The following MTNR1B variants were observed in gnomAD, a reference collection of about 807,000 sequenced individuals.
The protein encoded by MTNR1B is melatonin receptor type 1B.
MTNR1B carries 7 observed loss-of-function variants against 7.0 expected under a neutral mutation model. That is an observed-to-expected ratio of 1.00 (90% CI 0.57 to 1.88). MTNR1B has a LOEUF of 1.88. MTNR1B is among the 40% of genes most tolerant of loss of function. The pLI is 0.00. For missense variants in MTNR1B, 478 were observed against 486.5 expected, an observed-to-expected ratio of 0.98 and a Z score of 0.16; for synonymous variants, 226 against 208.2, an observed-to-expected ratio of 1.09 and a Z score of -0.74.
intron 1 of MTNR1B, among the ~76,000 whole-genome samples, chr11:92,977,918 C>T (rs1326664090): frequency 6.6e-6 from 1 of 152,194 alleles, no homozygotes; most frequent in Non-Finnish European, 1.5e-5. Context: ...TCCCTCTTGG[C>T]ACCTTGTTTT....
chr11:92,969,658 G>T lies in MTNR1B; in HGVS notation c.-68G>T. ...GGCAGGGAAGAGAGCGCCCGGCTCAGTACTGCGCGCGCCCTGCGGCTGTCC... is the reference window on the plus strand; with the variant it reads ...GGCAGGGAAGAGAGCGCCCGGCTCATTACTGCGCGCGCCCTGCGGCTGTCC... On this transcript the variant is annotated 5_prime_UTR_variant, in exon 1 of 2. Coordinates refer to ENST00000257068, the MANE Select transcript of MTNR1B (RefSeq NM_005959.5). 7.3e-7 allele frequency: 1 copy of T among 1,363,906 alleles called. No homozygotes were observed. The highest frequency in any genetic ancestry group is 9.4e-7 in the Non-Finnish European group (1 of 1,058,994). 84.5% of individuals were successfully genotyped at this position (1,363,906 alleles called of 1,614,324 possible).
At chr11:92,972,266 G>A (rs1488737201) in intron 1 of MTNR1B, among the ~76,000 whole-genome samples, 4 of 152,148 alleles carry the variant, frequency 2.6e-5, no homozygotes, top group Non-Finnish European at 4.4e-5. Flanking sequence ...CTGTAACAAT[G>A]AGAATACATA....
chr11:92,969,720 T>C lies in MTNR1B; in HGVS notation c.-6T>C. ...GTGGCCAAAGCACAGCGCGGGAGAG[T>C]CTGCGATGTCAGAGAACGGCTCCTT... is the stretch of plus-strand genomic sequence containing the variant. On this transcript the variant is annotated 5_prime_UTR_variant, in exon 1 of 2. Coordinates refer to ENST00000257068, the MANE Select transcript of MTNR1B (RefSeq NM_005959.5). 2.7e-6 allele frequency: 4 copies of C among 1,463,518 alleles called. No homozygotes were observed. Among genetic ancestry groups the C allele is most frequent in the Non-Finnish European group, 2.7e-6 (3 of 1,107,120 alleles). The allele number at this position is 1,463,518 out of a possible 1,614,324, so 90.7% of individuals were successfully genotyped here.
intron 1 of MTNR1B, among the ~76,000 whole-genome samples, chr11:92,971,213 G>A (rs1034982977): frequency 3.9e-5 from 6 of 152,056 alleles, no homozygotes; most frequent in East Asian, 3.9e-4. Context: ...CACCCGCCTC[G>A]GCCTCCCAAA....
In MTNR1B at chr11:92,969,657, A is replaced by T; in HGVS notation, c.-69A>T. The T allele has an allele frequency of 7.4e-7, 1 of 1,346,802 alleles. No homozygotes were observed. The highest frequency in any genetic ancestry group is 3.0e-5 in the East Asian group (1 of 33,428). 83.4% of individuals were successfully genotyped at this position (1,346,802 alleles called of 1,614,324 possible). On this transcript the variant is annotated 5_prime_UTR_variant, in exon 1 of 2. Coordinates refer to ENST00000257068, the MANE Select transcript of MTNR1B (RefSeq NM_005959.5). ...GGGCAGGGAAGAGAGCGCCCGGCTC[A>T]GTACTGCGCGCGCCCTGCGGCTGTC...
chr11:92,970,994 C>A (rs756906916), intron 1 of MTNR1B, among the ~76,000 whole-genome samples: 4 of 151,880 alleles, frequency 2.6e-5, no homozygotes, highest in African/African-American at 4.8e-5. Context: ...GTCTCTCACT[C>A]TGTCACCCAG....
chr11:92,969,987 C>T lies in MTNR1B; in HGVS notation c.223+39C>T, dbSNP rs1165931780. 4 of 1,542,416 alleles carry T rather than the reference C, an allele frequency of 2.6e-6. No homozygotes were observed. The East Asian group carries it at 9.6e-5, about 37-fold the overall frequency. ...CTGATGCTGGGTGCTGGCATCGGGC[C>T]CTTCCTTGTCTTCTGATCTTGTCCC... On this transcript the variant is annotated intron_variant, in intron 1 of 1. Transcript: ENST00000257068.
chr11:92,970,056 T>C, intron 1 of MTNR1B, 108 bp downstream of exon 1: 1 of 1,327,964 alleles, frequency 7.5e-7, no homozygotes, highest in South Asian at 1.9e-5. Context: ...CAGCCCGGGC[T>C]CCCCTTTCCC....
chr11:92,974,524 C>T (rs1251057741), intron 1 of MTNR1B, among the ~76,000 whole-genome samples: 1 of 152,058 alleles, frequency 6.6e-6, no homozygotes, highest in Non-Finnish European at 1.5e-5. Flanking sequence ...AGTGCAATGG[C>T]ATGATCTCGG....
rs1858118822 is a variant in MTNR1B at position 92,982,058 on chromosome 11, C to G, written c.835C>G (p.Gln279Glu). ...CGGCCTCGCTGTGGCCATCAACCCC[C>G]AAGAAATGGCTCCCCAGATCCCTGA... ...CIGLAVAINP[Q>E]EMAPQIPEGL... The change falls in exon 2 of 2, where the codon CAA becomes GAA. Residue 279 changes from glutamine (Q) to glutamate (E), a missense_variant. Transcript: ENST00000257068. 4 of 1,614,252 alleles carry G rather than the reference C, an allele frequency of 2.5e-6. No individual in the cohort carries two copies. The highest frequency in any genetic ancestry group is 3.4e-6 in the Non-Finnish European group (4 of 1,180,048).
chr11:92,972,888 CAA>C, intron 1 of MTNR1B, among the ~76,000 whole-genome samples: 1 of 152,308 alleles, frequency 6.6e-6, no homozygotes, highest in South Asian at 2.1e-4. Context: ...TTTAAAAGAA[CAA>C]AAGACTCTTT....
chr11:92,974,222 A>C (rs1315210243), intron 1 of MTNR1B, among the ~76,000 whole-genome samples: 1 of 152,162 alleles, frequency 6.6e-6, no homozygotes, highest in African/African-American at 2.4e-5. Context: ...AGGTAATTGA[A>C]TCATGAGAGC....
Position 92,969,694 on chromosome 11 carries a change from G to A in MTNR1B, c.-32G>A, listed in dbSNP as rs748788368. 2.8e-6 allele frequency: 4 copies of A among 1,406,896 alleles called. No individual in the cohort carries two copies. Among genetic ancestry groups the A allele is most frequent in the South Asian group, 1.6e-5 (1 of 63,418 alleles). The allele number at this position is 1,406,896 out of a possible 1,614,324, so 87.2% of individuals were successfully genotyped here. On this transcript the variant is annotated 5_prime_UTR_variant, in exon 1 of 2. Transcript: ENST00000257068. ...GCCCTGCGGCTGTCCGGGGCCGCGCGGTGGCCAAAGCACAGCGCGGGAGAG... is the reference window on the plus strand; with the variant it reads ...GCCCTGCGGCTGTCCGGGGCCGCGCAGTGGCCAAAGCACAGCGCGGGAGAG...
At chr11:92,975,127 A>G (rs931339346) in intron 1 of MTNR1B, among the ~76,000 whole-genome samples, 6 of 152,216 alleles carry the variant, frequency 3.9e-5, no homozygotes, top group Non-Finnish European at 8.8e-5. Flanking sequence ...AGCTGCCTGT[A>G]ATATGCTGGC....
Position 92,982,165 on chromosome 11 carries a change from C to A in MTNR1B, c.942C>A (p.Asn314Lys), listed in dbSNP as rs762754386. 3 of 1,614,114 alleles carry A rather than the reference C, an allele frequency of 1.9e-6. No individual in the cohort carries two copies. The highest frequency in any genetic ancestry group is 1.6e-4 in the Middle Eastern group (1 of 6,084). ...NAIVYGLLNQ[N>K]FRREYKRILL... The stretch of plus-strand genomic sequence containing the variant: ...TTGTCTATGGGCTCTTGAACCAAAA[C>A]TTCCGCAGGGAATACAAGAGGATCC... The change falls in exon 2 of 2, where the codon AAC (asparagine) becomes AAA (lysine). Residue 314 changes from asparagine to lysine, a missense_variant. Transcript: ENST00000257068.
At chr11:92,983,274 C>T (rs1391273194), downstream of MTNR1B, among the ~76,000 whole-genome samples, 1 of 152,120 alleles carries the variant, frequency 6.6e-6, no homozygotes, top group African/African-American at 2.4e-5. Flanking sequence ...AGGGCTATCA[C>T]CGGATGCGGT....
chr11:92,977,643 G>C (rs1404687815), intron 1 of MTNR1B, among the ~76,000 whole-genome samples: 2 of 152,154 alleles, frequency 1.3e-5, no homozygotes, highest in East Asian at 3.9e-4. Context: ...ATTCCCCACT[G>C]TTCCCACCAC....
downstream of MTNR1B, chr11:92,984,885 T>C (rs1858174995): frequency 2.2e-6 from 1 of 456,136 alleles, no homozygotes; most frequent in Non-Finnish European, 4.4e-6. Flanking sequence ...GCAATGTACA[T>C]ATTTGGAATG....
intron 1 of MTNR1B, among the ~76,000 whole-genome samples, chr11:92,979,390 G>A (rs1403932372): frequency 6.6e-6 from 1 of 152,118 alleles, no homozygotes; most frequent in Non-Finnish European, 1.5e-5. Context: ...AAATTAAAAG[G>A]CACAAAACCC....
Sources: gnomAD v4.1 joint callset for allele counts (sites outside exome capture counted in the v4.1 genomes callset) on GRCh38, gnomAD v4.1.1 for gene constraint, MANE v1.5 for transcripts, NCBI Gene and HGNC (gene_info 2026-07-23, HGNC 2026-07-21) for gene names.